Variants in ZNF672 observed in about 807,000 individuals in gnomAD.
ZNF672 encodes the protein zinc finger protein 672, also known as hypothetical protein FLJ22301.
For missense variants in ZNF672, 733 were observed against 701.1 expected (o/e 1.05, Z -0.51); for synonymous variants, 358 against 305.6 (o/e 1.17, Z -1.79).
At chr1:248,843,426 T>C (rs577170129) in intron 1 of ZNF672, among the ~76,000 whole-genome samples, 17 of 152,262 alleles carry the variant, frequency 1.1e-4, no homozygotes, top group Non-Finnish European at 2.4e-4. Flanking sequence ...AGGTGGACTT[T>C]TCTGGAGAGG....
At position 248,848,783 on chromosome 1, in the gene ZNF672, G is replaced by C. The variant is rs192453972; in HGVS notation, c.*150G>C. The C allele has an allele frequency of 5.5e-4, 646 of 1,173,450 alleles. No homozygotes were observed. The African/African-American group carries it at 7.6e-3, about 14-fold the overall frequency. The allele number at this position is 1,173,450 out of a possible 1,614,324, so 72.7% of individuals were successfully genotyped here. A position where few individuals can be genotyped will look rare whatever the true frequency, so the allele number is the denominator to read the frequency against. ...CCAGTTTCTGTTGGCAGCCCTTCAC[G>C]TAGCCTCCTGCCTCGCCTCTACACC... On this transcript the variant is annotated 3_prime_UTR_variant, in exon 4 of 4. Coordinates refer to ENST00000306562, the MANE Select transcript of ZNF672 (RefSeq NM_024836.3).
rs1558240381 is a variant in ZNF672 at position 248,848,285 on chromosome 1, G to C, written c.1011G>C (p.Lys337Asn). The C allele has an allele frequency of 1.2e-6, 2 of 1,603,106 alleles. No individual in the cohort carries two copies. Among genetic ancestry groups the C allele is most frequent in the East Asian group, 4.5e-5 (2 of 44,846 alleles). ...TKHRRTHTGEKPYRCELCGKR... is the reference protein window; with the variant it reads ...TKHRRTHTGENPYRCELCGKR... ...ACCGGCGCACGCACACGGGCGAGAA[G>C]CCCTACCGCTGCGAACTGTGCGGCA... Residue 337 changes from lysine to asparagine, a missense_variant, in exon 4 of 4, where the codon AAG (lysine) becomes AAC (asparagine). Lys to Asn is a moderately conservative substitution (Grantham distance 94). Coordinates refer to ENST00000306562, the MANE Select transcript of ZNF672 (RefSeq NM_024836.3).
Position 248,847,095 on chromosome 1 carries a change from A to G in ZNF672, c.-180A>G. Reference sequence around the variant, plus strand: ...ACCTGGCCACAGCTCACCCTGGAACAGCCACAATGTCTGCCCCTTAGAGAA... The same window carrying G: ...ACCTGGCCACAGCTCACCCTGGAACGGCCACAATGTCTGCCCCTTAGAGAA... On this transcript the variant is annotated 5_prime_UTR_variant, in exon 4 of 4. Transcript: ENST00000306562. The G allele has an allele frequency of 1.3e-6, 1 of 797,712 alleles. No homozygotes were observed. Among genetic ancestry groups the G allele is most frequent in the South Asian group, 1.9e-5 (1 of 53,888 alleles). 49.4% of individuals were successfully genotyped at this position (797,712 alleles called of 1,614,324 possible).
intron 1 of ZNF672, among the ~76,000 whole-genome samples, chr1:248,840,065 A>G (rs905643655): frequency 1.4e-5 from 2 of 148,094 alleles, no homozygotes; most frequent in Non-Finnish European, 3.0e-5. Context: ...TGACCTTTCC[A>G]TATGAAACAC....
chr1:248,843,156 C>T (rs867362621), intron 1 of ZNF672, among the ~76,000 whole-genome samples: 7 of 152,138 alleles, frequency 4.6e-5, no homozygotes, highest in East Asian at 1.9e-4. Flanking sequence ...GACCCACCTG[C>T]GCACTTGTGC....
intron 1 of ZNF672, among the ~76,000 whole-genome samples, chr1:248,841,336 G>C (rs974229652): frequency 2.0e-5 from 3 of 152,216 alleles, no homozygotes; most frequent in African/African-American, 7.2e-5. Context: ...CTTTCTCTCT[G>C]ATCTGGGGGG....
chr1:248,843,804 G>A (rs1664714922), intron 1 of ZNF672, among the ~76,000 whole-genome samples: 1 of 152,164 alleles, frequency 6.6e-6, no homozygotes, highest in Non-Finnish European at 1.5e-5. Context: ...AACGAGGAGA[G>A]TATTTGGCTC....
rs1664775094 is a variant in ZNF672 at position 248,847,189 on chromosome 1, C to T, written c.-86C>T. ...CTCTGTTACAGTGCCCTTTCCAGGC[C>T]TTAAGAGAAGTAAAACTTAGCTGCA... On this transcript the variant is annotated 5_prime_UTR_variant, in exon 4 of 4. Transcript: ENST00000306562. 2 of 1,500,172 alleles carry T rather than the reference C, an allele frequency of 1.3e-6. No homozygotes were observed. The highest frequency in any genetic ancestry group is 1.8e-6 in the Non-Finnish European group (2 of 1,115,558). 92.9% of individuals were successfully genotyped at this position (1,500,172 alleles called of 1,614,324 possible).
Position 248,847,101 on chromosome 1 carries a change from A to G in ZNF672, c.-174A>G, listed in dbSNP as rs1664772940. 1.2e-6 allele frequency: 1 copy of G among 844,182 alleles called. No homozygotes were observed. The highest frequency in any genetic ancestry group is 2.9e-5 in the Admixed American group (1 of 34,978). 52.3% of individuals were successfully genotyped at this position (844,182 alleles called of 1,614,324 possible). On this transcript the variant is annotated 5_prime_UTR_variant, in exon 4 of 4. Coordinates refer to ENST00000306562, the MANE Select transcript of ZNF672 (RefSeq NM_024836.3). ...CCACAGCTCACCCTGGAACAGCCAC[A>G]ATGTCTGCCCCTTAGAGAAGAACCC...
At chr1:248,845,986 C>T (rs971179724) in intron 3 of ZNF672, among the ~76,000 whole-genome samples, 2 of 152,184 alleles carry the variant, frequency 1.3e-5, no homozygotes, top group Non-Finnish European at 2.9e-5. Context: ...GCACATACTA[C>T]AAAGGCTGAC....
In ZNF672 at chr1:248,847,986, G is replaced by T. The variant is rs1326077389; in HGVS notation, c.712G>T (p.Glu238Ter). 1 of 1,558,632 alleles carries T rather than the reference G, an allele frequency of 6.4e-7. No homozygotes were observed. Among genetic ancestry groups the T allele is most frequent in the Non-Finnish European group, 8.7e-7 (1 of 1,152,860 alleles). Residue 238 changes from glutamate (E) to a stop codon, truncating the protein, a stop_gained, in exon 4 of 4, where the codon GAG becomes TAG. Coordinates refer to ENST00000306562, the MANE Select transcript of ZNF672 (RefSeq NM_024836.3). LOFTEE classifies it low-confidence loss of function (END_TRUNC). ...KCPECGKGFL[E>*]SATLVRHQRT... Reference sequence around the variant, plus strand: ...CCCGGAGTGCGGCAAGGGCTTCCTGGAGAGCGCCACGCTGGTGCGCCACCA... The same window carrying T: ...CCCGGAGTGCGGCAAGGGCTTCCTGTAGAGCGCCACGCTGGTGCGCCACCA...
At chr1:248,841,929 C>T (rs1378812155) in intron 1 of ZNF672, among the ~76,000 whole-genome samples, 1 of 152,042 alleles carries the variant, frequency 6.6e-6, no homozygotes, top group Non-Finnish European at 1.5e-5. Flanking sequence ...ACTCTGCCTC[C>T]AAAATAAAAA....
In ZNF672 at chr1:248,848,679, AC is replaced by A. The variant is rs755323391; in HGVS notation, c.*48del. ...CTTCTCTAAAGGTGGTTGGGCAAGC[AC>A]CTATATAGTATCACGGGGACAGTTG... On this transcript the variant is annotated 3_prime_UTR_variant, in exon 4 of 4. Transcript: ENST00000306562. 8.5e-6 allele frequency: 13 copies of A among 1,522,448 alleles called. No homozygotes were observed. Among genetic ancestry groups the A allele is most frequent in the Non-Finnish European group, 1.1e-5 (13 of 1,137,646 alleles). The allele number at this position is 1,522,448 out of a possible 1,614,324, so 94.3% of individuals were successfully genotyped here. A position where few individuals can be genotyped will look rare whatever the true frequency, so the allele number is the denominator to read the frequency against.
Position 248,849,288 on chromosome 1 carries a change from C to A in ZNF672, c.*655C>A, listed in dbSNP as rs568828670. 54 of 376,254 alleles carry A rather than the reference C, an allele frequency of 1.4e-4. 1 individual carries two copies. The highest frequency in any genetic ancestry group is 1.1e-3 in the South Asian group (53 of 47,606). 23.3% of individuals were successfully genotyped at this position (376,254 alleles called of 1,614,324 possible). ...AGCATGGCCACACATGTCCCCAGGGCAGATCAAGGGGCCTCTCAGAACCAT... is the reference window on the plus strand; with the variant it reads ...AGCATGGCCACACATGTCCCCAGGGAAGATCAAGGGGCCTCTCAGAACCAT... On this transcript the variant is annotated 3_prime_UTR_variant, in exon 4 of 4. Coordinates refer to ENST00000306562, the MANE Select transcript of ZNF672 (RefSeq NM_024836.3).
intron 1 of ZNF672, 138 bp from the exon 2 acceptor site, chr1:248,844,345 T>G (rs1218909965): frequency 2.0e-5 from 3 of 152,208 alleles, no homozygotes; most frequent in Non-Finnish European, 4.4e-5. Context: ...TTTCCAAACT[T>G]TCCTGTACTT....
Position 248,849,238 on chromosome 1 carries a change from T to C in ZNF672, c.*605T>C, listed in dbSNP as rs1388920708. 1.8e-5 allele frequency: 7 copies of C among 397,870 alleles called. No individual in the cohort carries two copies. Among genetic ancestry groups the C allele is most frequent in the Non-Finnish European group, 3.6e-5 (7 of 194,860 alleles). 24.6% of individuals were successfully genotyped at this position (397,870 alleles called of 1,614,324 possible). On this transcript the variant is annotated 3_prime_UTR_variant, in exon 4 of 4. Transcript: ENST00000306562. ...CCTGCACCCTGGCAGAGGTGGCCAGTCACGTGAAGGTGGGCAGGGCCCTTA... is the reference window on the plus strand; with the variant it reads ...CCTGCACCCTGGCAGAGGTGGCCAGCCACGTGAAGGTGGGCAGGGCCCTTA...
rs1273887507 is a variant in ZNF672 at position 248,847,842 on chromosome 1, C to A, written c.568C>A (p.Pro190Thr). The part of the protein sequence containing the change: ...SHARIHVSRS[P>T]TRPRVSDAHQ... ...CGCGCGCATCCACGTGTCCCGGAGC[C>A]CCACGCGACCCCGTGTCTCAGACGC... The change falls in exon 4 of 4, where the codon CCC becomes ACC. Residue 190 changes from proline (P) to threonine (T), a missense_variant. By Grantham distance (38) the Pro-to-Thr change is conservative. Coordinates refer to ENST00000306562, the MANE Select transcript of ZNF672 (RefSeq NM_024836.3). 7 of 1,575,124 alleles carry A rather than the reference C, an allele frequency of 4.4e-6. No homozygotes were observed. The Admixed American group carries it at 1.0e-4, about 24-fold the overall frequency.
intron 1 of ZNF672, among the ~76,000 whole-genome samples, chr1:248,841,644 C>T (rs1269342159): frequency 1.3e-5 from 2 of 152,114 alleles, no homozygotes; most frequent in South Asian, 2.1e-4. Flanking sequence ...TATTTGGGCT[C>T]GGCACGGTGG....
In ZNF672 at chr1:248,845,640, A is replaced by G. The variant is rs956506714; in HGVS notation, c.-246A>G. 4 of 152,150 alleles carry G rather than the reference A, an allele frequency of 2.6e-5. No individual in the cohort carries two copies. The highest frequency in any genetic ancestry group is 2.0e-4 in the Admixed American group (3 of 15,274). 9.4% of individuals were successfully genotyped at this position (152,150 alleles called of 1,614,324 possible). A position where few individuals can be genotyped will look rare whatever the true frequency, so the allele number is the denominator to read the frequency against. On this transcript the variant is annotated 5_prime_UTR_variant, in exon 3 of 4. Transcript: ENST00000306562. ...CTGCCCAGCGTGGTGGGGCAGCAGAAGCTCCAGAGCCCAGACTTGCAGGTT... is the reference window on the plus strand; with the variant it reads ...CTGCCCAGCGTGGTGGGGCAGCAGAGGCTCCAGAGCCCAGACTTGCAGGTT...
Sources: allele counts gnomAD v4.1 joint callset (sites outside exome capture counted in the v4.1 genomes callset), GRCh38; gene constraint gnomAD v4.1.1; transcripts MANE v1.5; gene names NCBI Gene and HGNC (gene_info 2026-07-23, HGNC 2026-07-21).